Variants in SPECC1 observed in about 807,000 individuals in gnomAD.
The protein encoded by SPECC1 is sperm antigen with calponin homology and coiled-coil domains 1.
SPECC1 carries 62 observed loss-of-function variants against 104.1 expected under a neutral mutation model. The observed-to-expected ratio is 0.60, with a 90% CI of 0.49 to 0.74. The LOEUF is 0.74. Among genes scored for constraint, SPECC1 ranks in the 30% least tolerant of loss-of-function variants. The pLI is 0.00. For missense variants in SPECC1, 1,306 were observed against 1,310.5 expected (o/e 1.00, Z 0.05); for synonymous variants, 513 against 501.6 (o/e 1.02, Z -0.30).
intron 3 of SPECC1, among the ~76,000 whole-genome samples, chr17:20,154,249 C>T (rs1299643025): frequency 6.6e-6 from 1 of 152,168 alleles, no homozygotes; most frequent in Non-Finnish European, 1.5e-5. Context: ...GAATGGTGAT[C>T]AGTGTCACAG....
At chr17:20,170,227 G>GCA (rs1325951168) in intron 3 of SPECC1, among the ~76,000 whole-genome samples, 1 of 152,200 alleles carries the variant, frequency 6.6e-6, no homozygotes, top group East Asian at 1.9e-4. Flanking sequence ...AACTGTCTGA[G>GCA]GATCCATGTT....
intron 3 of SPECC1, among the ~76,000 whole-genome samples, chr17:20,138,718 C>G (rs568941881): frequency 1.3e-5 from 2 of 152,350 alleles, no homozygotes; most frequent in Non-Finnish European, 2.9e-5. Context: ...CTTTTTAGCA[C>G]TGAATAATAT....
At chr17:20,153,926 CAT>C (rs893412843) in intron 3 of SPECC1, among the ~76,000 whole-genome samples, 6 of 152,326 alleles carry the variant, frequency 3.9e-5, no homozygotes, top group African/African-American at 1.4e-4. Flanking sequence ...TCTGCTCTAA[CAT>C]TGTTTCCTGC....
At chr17:20,039,179 G>C (rs1363967483) in intron 1 of SPECC1, among the ~76,000 whole-genome samples, 1 of 152,190 alleles carries the variant, frequency 6.6e-6, no homozygotes, top group Non-Finnish European at 1.5e-5. Context: ...GCCCAGGGTA[G>C]GGTCTAAGGA....
chr17:20,244,382 A>G (rs1278131139), intron 7 of SPECC1, among the ~76,000 whole-genome samples: 1 of 152,214 alleles, frequency 6.6e-6, no homozygotes, highest in Non-Finnish European at 1.5e-5. Flanking sequence ...GAAAGTATGA[A>G]AACCAGTTCC....
chr17:20,253,716 A>G (rs1405648937), intron 10 of SPECC1, 130 bp downstream of exon 10: 8 of 815,856 alleles, frequency 9.8e-6, no homozygotes, highest in African/African-American at 1.7e-5. Flanking sequence ...TCAACCCCGA[A>G]TAATGTACAT....
chr17:20,186,086 C>T (rs1003602655), intron 3 of SPECC1, among the ~76,000 whole-genome samples: 5 of 152,202 alleles, frequency 3.3e-5, no homozygotes, highest in African/African-American at 4.8e-5. Context: ...GATCCACCCT[C>T]CTCGGCCTCC....
chr17:20,035,057 G>T (rs1035674205), intron 1 of SPECC1, among the ~76,000 whole-genome samples: 1 of 152,084 alleles, frequency 6.6e-6, no homozygotes, highest in African/African-American at 2.4e-5. Flanking sequence ...ATCTTCCCCC[G>T]TTGAAGTGTT....
chr17:20,090,670 A>G (rs902831216), intron 1 of SPECC1, among the ~76,000 whole-genome samples: 1 of 150,458 alleles, frequency 6.6e-6, no homozygotes, highest in African/African-American at 2.4e-5. Context: ...TAATCCTTTG[A>G]TGGAAGCCAT....
chr17:20,295,236 G>A (rs2041309687), intron 12 of SPECC1, among the ~76,000 whole-genome samples: 1 of 137,282 alleles, frequency 7.3e-6, no homozygotes, highest in Admixed American at 8.4e-5. Context: ...TGTTCTCATT[G>A]TTTAGTTCCC....
At chr17:20,064,690 G>A (rs142198256) in intron 1 of SPECC1, among the ~76,000 whole-genome samples, 154 of 152,222 alleles carry the variant, frequency 1.0e-3, no homozygotes, top group African/African-American at 2.7e-3. Context: ...ATGTACCAGC[G>A]TATTGTAACT....
intron 4 of SPECC1, among the ~76,000 whole-genome samples, chr17:20,220,788 C>G (rs1478718431): frequency 6.6e-6 from 1 of 151,972 alleles, no homozygotes; most frequent in Non-Finnish European, 1.5e-5. Flanking sequence ...CAGTTTTTCT[C>G]CATTCATATG....
Position 20,247,250 on chromosome 17 carries a change from G to A in SPECC1, c.2529G>A (p.Lys843=), listed in dbSNP as rs371735963. Reference sequence around the variant, plus strand: ...CTGGACAGAATATTTCTGTCCATAAGACCCCCAGAAGTCCCCTAAGTGGGA... The same window carrying A: ...CTGGACAGAATATTTCTGTCCATAAAACCCCCAGAAGTCCCCTAAGTGGGA... ...GGAGQNISVH[K]TPRSPLSGIP... is the part of the protein sequence containing the mutation. The change falls in exon 9 of 15, where the codon AAG becomes AAA. Residue 843 remains lysine, a synonymous_variant. Transcript: ENST00000395527. 126 of 1,613,418 alleles carry A rather than the reference G, an allele frequency of 7.8e-5. 1 individual carries two copies. Among genetic ancestry groups the A allele is most frequent in the Non-Finnish European group, 9.8e-5 (116 of 1,179,766 alleles).
chr17:20,179,646 A>T (rs557678684), intron 3 of SPECC1, among the ~76,000 whole-genome samples: 1 of 152,362 alleles, frequency 6.6e-6, no homozygotes, highest in Non-Finnish European at 1.5e-5. Flanking sequence ...TCAGCGAACC[A>T]GGGCAAAAGA....
chr17:20,312,119 G>T (rs960268676), intron 14 of SPECC1, among the ~76,000 whole-genome samples: 1 of 152,150 alleles, frequency 6.6e-6, no homozygotes, highest in African/African-American at 2.4e-5. Context: ...ATAATGTTGG[G>T]ATCCTGGAAT....
intron 3 of SPECC1, among the ~76,000 whole-genome samples, chr17:20,138,453 C>T (rs962370674): frequency 3.3e-5 from 5 of 152,096 alleles, no homozygotes; most frequent in Non-Finnish European, 4.4e-5. Context: ...ATGTATAATG[C>T]CACGTATCGG....
intron 14 of SPECC1, among the ~76,000 whole-genome samples, chr17:20,312,107 G>A (rs1001503626): frequency 6.6e-6 from 1 of 152,156 alleles, no homozygotes; most frequent in African/African-American, 2.4e-5. Flanking sequence ...TTTGGTATCA[G>A]GATAATGTTG....
At chr17:20,024,519 C>T (rs768003811) in intron 1 of SPECC1, among the ~76,000 whole-genome samples, 4 of 152,056 alleles carry the variant, frequency 2.6e-5, no homozygotes, top group Non-Finnish European at 5.9e-5. Flanking sequence ...TTCTCTTTAT[C>T]CTCTGATTCA....
chr17:20,110,282 A>G, intron 2 of SPECC1, 145 bp from the exon 3 acceptor site: 1 of 982,492 alleles, frequency 1.0e-6, no homozygotes, highest in South Asian at 1.7e-5. Flanking sequence ...GCATTTTTTC[A>G]CTTCACTCTA....
Sources: gnomAD v4.1 joint callset for allele counts (sites outside exome capture counted in the v4.1 genomes callset) on GRCh38, gnomAD v4.1.1 for gene constraint, MANE v1.5 for transcripts, NCBI Gene and HGNC (gene_info 2026-07-23, HGNC 2026-07-21) for gene names.